Variants in FOXO3B observed in about 807,000 individuals in gnomAD.
The protein encoded by FOXO3B is forkhead box O3B, also known as forkhead box protein O3B.
A neutral mutation model predicts 21.9 loss-of-function variants in FOXO3B; 15 were observed. The ratio of observed to expected loss-of-function variants is 0.68; its 90% CI spans 0.46 to 1.05. The LOEUF is 1.05. FOXO3B is among the 50% of genes least tolerant of loss of function. The pLI, the probability that FOXO3B is intolerant of heterozygous loss-of-function variation, is 0.00. For synonymous variants in FOXO3B, 135 were observed against 213.6 expected, an observed-to-expected ratio of 0.63 and a Z score of 3.21; for missense variants, 293 against 435.5, an observed-to-expected ratio of 0.67 and a Z score of 2.91.
At chr17:18,674,259 A>G (rs1239560872) in intron 3 of FOXO3B, among the ~76,000 whole-genome samples, 1 of 152,020 alleles carries the variant, frequency 6.6e-6, no homozygotes, top group African/African-American at 2.4e-5. Context: ...TGGCCAAATC[A>G]GACCTTAGAC....
At chr17:18,673,080 A>G (rs1328039009) in intron 3 of FOXO3B, 25 bp from the exon 4 acceptor site, 5 of 1,458,832 alleles carry the variant, frequency 3.4e-6, no homozygotes, top group Non-Finnish European at 3.6e-6. Flanking sequence ...GAGAAGAGAG[A>G]AGGAGAGTTG....
At position 18,668,897 on chromosome 17, in the gene FOXO3B, C is replaced by T. The variant is rs2032314134; in HGVS notation, c.*3412G>A. The stretch of plus-strand genomic sequence containing the variant: ...AAAGGAATATAGTAAGCAAGTCTGG[C>T]TCACTGACAAGCAGACCATATGAAT... On this transcript the variant is annotated 3_prime_UTR_variant, in exon 4 of 4. Coordinates refer to ENST00000395675, the MANE Select transcript of FOXO3B (RefSeq NM_001368135.1). The T allele has an allele frequency of 6.6e-6, 1 of 152,166 alleles. No homozygotes were observed. Among genetic ancestry groups the T allele is most frequent in the Admixed American group, 6.5e-5 (1 of 15,284 alleles). 9.4% of individuals were successfully genotyped at this position (152,166 alleles called of 1,614,324 possible). A position where few individuals can be genotyped will look rare whatever the true frequency, so the allele number is the denominator to read the frequency against.
chr17:18,681,961 G>C, intron 1 of FOXO3B, 115 bp from the exon 2 acceptor site: 1 of 624,244 alleles, frequency 1.6e-6, no homozygotes, highest in Admixed American at 2.9e-5. Context: ...GGGGCATCAG[G>C]AGTTTGGACA....
At chr17:18,677,560 G>C (rs2032513789) in intron 3 of FOXO3B, 2 of 1,603,458 alleles carry the variant, frequency 1.2e-6, no homozygotes, top group African/African-American at 2.7e-5. Context: ...ATCCACGGGG[G>C]CGCCGGCGGG....
Position 18,672,576 on chromosome 17 carries a change from G to A in FOXO3B, c.606C>T (p.Gly202=), listed in dbSNP as rs2032391973. The change falls in exon 4 of 4, where the codon GGC becomes GGT. Residue 202 remains glycine, a synonymous_variant. Transcript: ENST00000395675. The surrounding 1 kb of genome is among the most constrained non-coding windows in gnomAD (Gnocchi z 4.2). The part of the protein sequence containing the change: ...DPGSGPATAA[G]GLSGGTQALL... ...GCGCCTGTGTACCCCCGCTCAGCCC[G>A]CCCGCCGCGGTGGCTGGCCCAGACC... 16 of 1,435,384 alleles carry A rather than the reference G, an allele frequency of 1.1e-5. No homozygotes were observed. Among genetic ancestry groups the A allele is most frequent in the Non-Finnish European group, 1.4e-5 (16 of 1,103,640 alleles). The allele number at this position is 1,435,384 out of a possible 1,614,324, so 88.9% of individuals were successfully genotyped here. A position where few individuals can be genotyped will look rare whatever the true frequency, so the allele number is the denominator to read the frequency against.
chr17:18,679,271 A>G (rs2091414302), intron 3 of FOXO3B, among the ~76,000 whole-genome samples: 1 of 152,204 alleles, frequency 6.6e-6, no homozygotes, highest in Non-Finnish European at 1.5e-5. Context: ...AATGTAAGAC[A>G]GTTGAGAAGC....
chr17:18,679,887 C>T (rs4924905), intron 3 of FOXO3B, among the ~76,000 whole-genome samples: 26,154 of 151,558 alleles, frequency 0.17, 2,719 homozygotes, highest in African/African-American at 0.29. Flanking sequence ...TTGCCCAGGC[C>T]GGAATGCAGT....
rs757569027 is a variant in FOXO3B at position 18,669,622 on chromosome 17, T to A, written c.*2687A>T. Among the ~76,000 whole-genome samples, 1 of 152,150 alleles carries A rather than the reference T, an allele frequency of 6.6e-6. No homozygotes were observed. Among genetic ancestry groups the A allele is most frequent in the Non-Finnish European group, 1.5e-5 (1 of 68,042 alleles). The stretch of plus-strand genomic sequence containing the variant: ...ATAACTTTTTGAAAACACAACAAAA[T>A]GAAATCCACAGAAGCAGAAAAAAAA... On this transcript the variant is annotated 3_prime_UTR_variant, in exon 4 of 4. Coordinates refer to ENST00000395675, the MANE Select transcript of FOXO3B (RefSeq NM_001368135.1).
In FOXO3B at chr17:18,677,268, T is replaced by C. The variant is rs552708485; in HGVS notation, c.126+3473A>G. 21 of 1,612,432 alleles carry C rather than the reference T, an allele frequency of 1.3e-5. No individual in the cohort carries two copies. In the African/African-American group the frequency reaches 2.7e-4, roughly 20 times the overall value. ...TCTACTTGTATGTATACAAGGTCTG[T>C]TCCGCATGAAACTCCTGCTGGGGAA... On this transcript the variant is annotated intron_variant, in intron 3 of 3. Transcript: ENST00000395675.
Position 18,671,923 on chromosome 17 carries a change from T to G in FOXO3B, c.*386A>C. On this transcript the variant is annotated 3_prime_UTR_variant, in exon 4 of 4. Coordinates refer to ENST00000395675, the MANE Select transcript of FOXO3B (RefSeq NM_001368135.1). ...GAGAGGCGCATCGTCGTCCTGGACT[T>G]CATCCAACTCTGTGCTTGCCATGAT... The G allele has an allele frequency of 6.2e-7, 1 of 1,613,598 alleles. No individual in the cohort carries two copies. Among genetic ancestry groups the G allele is most frequent in the East Asian group, 2.2e-5 (1 of 44,870 alleles).
intron 3 of FOXO3B, among the ~76,000 whole-genome samples, chr17:18,679,560 G>T (rs1355834447): frequency 5.9e-5 from 9 of 151,334 alleles, no homozygotes; most frequent in Admixed American, 5.9e-4. Flanking sequence ...TGATTCTCAT[G>T]CCTCAGTCTA....
Position 18,671,389 on chromosome 17 carries a change from T to C in FOXO3B, c.*920A>G. ...GCAGCAAAGGACATCATCGGATCAT[T>C]GCGAAGCATCACGTTCCGGCGGGAA... On this transcript the variant is annotated 3_prime_UTR_variant, in exon 4 of 4. Transcript: ENST00000395675. 1 of 1,613,356 alleles carries C rather than the reference T, an allele frequency of 6.2e-7. No homozygotes were observed. Among genetic ancestry groups the C allele is most frequent in the South Asian group, 1.1e-5 (1 of 91,018 alleles).
chr17:18,682,065 G>A, intron 1 of FOXO3B, 139 bp downstream of exon 1: 1 of 611,052 alleles, frequency 1.6e-6, no homozygotes, highest in Non-Finnish European at 3.0e-6. Context: ...AGGCCAGAGT[G>A]AGAAGGGACA....
intron 3 of FOXO3B, among the ~76,000 whole-genome samples, chr17:18,678,931 AC>A (rs1288589130): frequency 6.6e-6 from 1 of 151,950 alleles, no homozygotes; most frequent in East Asian, 1.9e-4. Context: ...TGGGCCTAAT[AC>A]CCCATTAGAG....
At chr17:18,673,677 G>T (rs1229668417) in intron 3 of FOXO3B, among the ~76,000 whole-genome samples, 1 of 151,846 alleles carries the variant, frequency 6.6e-6, no homozygotes, top group Non-Finnish European at 1.5e-5. Flanking sequence ...CCAGGATTTT[G>T]TCTGTTACCG....
chr17:18,677,271 C>G lies in FOXO3B; in HGVS notation c.126+3470G>C, dbSNP rs1486101942. 20 of 1,612,196 alleles carry G rather than the reference C, an allele frequency of 1.2e-5. No individual in the cohort carries two copies. In the South Asian group the frequency reaches 1.4e-4, roughly 12 times the overall value. ...ACTTGTATGTATACAAGGTCTGTTC[C>G]GCATGAAACTCCTGCTGGGGAAGGA... is the stretch of plus-strand genomic sequence containing the variant. On this transcript the variant is annotated intron_variant, in intron 3 of 3. Coordinates refer to ENST00000395675, the MANE Select transcript of FOXO3B (RefSeq NM_001368135.1).
chr17:18,672,875 G>A lies in FOXO3B; in HGVS notation c.307C>T (p.Leu103=). 1 of 1,560,980 alleles carries A rather than the reference G, an allele frequency of 6.4e-7. No homozygotes were observed. Among genetic ancestry groups the A allele is most frequent in the South Asian group, 1.2e-5 (1 of 85,226 alleles). ...CTCTGGGGCTCGAACTCCGGGTCCA[G>A]CTCCACTTCGAGCGGAGAAAGCGGG... ...PAPLSPLEVE[L]DPEFEPQSRP... The change falls in exon 4 of 4, where the codon CTG becomes TTG. Residue 103 remains leucine (L), a synonymous_variant. Coordinates refer to ENST00000395675, the MANE Select transcript of FOXO3B (RefSeq NM_001368135.1). The surrounding 1 kb of genome is among the most constrained non-coding windows in gnomAD (Gnocchi z 4.2).
chr17:18,671,892 G>A lies in FOXO3B; in HGVS notation c.*417C>T. ...GGCTCGCTGAGCTGCTGTAGAGCATGGGCGAGAGAGGCGCATCGTCGTCCT... is the reference window on the plus strand; with the variant it reads ...GGCTCGCTGAGCTGCTGTAGAGCATAGGCGAGAGAGGCGCATCGTCGTCCT... On this transcript the variant is annotated 3_prime_UTR_variant, in exon 4 of 4. Transcript: ENST00000395675. The A allele has an allele frequency of 1.2e-6, 2 of 1,613,498 alleles. No individual in the cohort carries two copies. Among genetic ancestry groups the A allele is most frequent in the Non-Finnish European group, 1.7e-6 (2 of 1,179,628 alleles).
chr17:18,677,199 T>A, intron 3 of FOXO3B: 1 of 1,390,062 alleles, frequency 7.2e-7, no homozygotes, highest in South Asian at 1.4e-5. Flanking sequence ...TCTTTGGCAC[T>A]ATCTACCAAC....
Sources: allele counts gnomAD v4.1 joint callset (sites outside exome capture counted in the v4.1 genomes callset), GRCh38; gene constraint gnomAD v4.1.1; non-coding constraint Gnocchi (gnomAD v3.1); transcripts MANE v1.5; gene names NCBI Gene and HGNC (gene_info 2026-07-23, HGNC 2026-07-21).